Variants in FAM228B observed in about 807,000 individuals in gnomAD.
The protein encoded by FAM228B is protein FAM228B.
FAM228B carries 38 observed loss-of-function variants against 42.6 expected under a neutral mutation model. The observed-to-expected ratio is 0.89, with a 90% confidence interval of 0.69 to 1.17. The LOEUF (loss-of-function observed/expected upper bound fraction) is 1.17, where lower values mean the gene tolerates loss of function less well. Among genes scored for constraint, FAM228B ranks in the 50% most tolerant of loss-of-function variants. The pLI, the probability that FAM228B is intolerant of heterozygous loss-of-function variation, is 0.00. For missense variants in FAM228B, 344 were observed against 367.3 expected (o/e 0.94, Z 0.52); for synonymous variants, 109 against 122.3 (o/e 0.89, Z 0.72).
intron 9 of FAM228B, chr2:24,165,306 C>T (rs1295200456): frequency 2.2e-6 from 1 of 461,552 alleles, no homozygotes. Context: ...GCAACCCTGG[C>T]CCTATCCTTA....
chr2:24,136,328 G>A (rs552080187), intron 3 of FAM228B, among the ~76,000 whole-genome samples: 1 of 152,202 alleles, frequency 6.6e-6, no homozygotes, highest in Admixed American at 6.5e-5. Context: ...CCGGGTTCAA[G>A]CAATTCTGCC....
chr2:24,139,148 A>C (rs769615359), intron 4 of FAM228B, among the ~76,000 whole-genome samples: 4 of 152,180 alleles, frequency 2.6e-5, no homozygotes, highest in Admixed American at 6.5e-5. Flanking sequence ...AACATTCTTT[A>C]TTAAGATCTT....
intron 7 of FAM228B, 100 bp downstream of exon 7, chr2:24,147,186 ATTTTTC>A (rs1227648598): frequency 1.1e-6 from 1 of 875,382 alleles, no homozygotes; most frequent in East Asian, 2.9e-5. Context: ...TAAAATTATC[ATTTTTC>A]TTTTTTTTTG....
chr2:24,104,125 C>T (rs1227271921), intron 3 of FAM228B, among the ~76,000 whole-genome samples: 1 of 152,184 alleles, frequency 6.6e-6, no homozygotes, highest in Non-Finnish European at 1.5e-5. Flanking sequence ...TGAAGCCAGG[C>T]ACCAGCTGTT....
intron 2 of FAM228B, chr2:24,082,855 T>C: frequency 1.3e-6 from 2 of 1,576,240 alleles, no homozygotes; most frequent in Non-Finnish European, 1.7e-6. Flanking sequence ...TGAGCCACAT[T>C]GTGTGGAGTG....
upstream of FAM228B, among the ~76,000 whole-genome samples, chr2:24,119,238 G>A (rs1048518281): frequency 2.6e-5 from 4 of 151,866 alleles, no homozygotes; most frequent in Admixed American, 6.6e-5. Context: ...CATATGACCT[G>A]AAACTTGCCA....
chr2:24,155,506 TATATATATA>T lies in FAM228B; in HGVS notation c.687-5999_687-5991del, dbSNP rs1558393230. On this transcript the variant is annotated intron_variant, in intron 7 of 10. Coordinates refer to ENST00000615575, the MANE Select transcript of FAM228B (RefSeq NM_001145710.2). The stretch of plus-strand genomic sequence containing the variant: ...GCCAGAAGTCATTGAAGACCATGCA[TATATATATA>T]TATATATATATATATATTTTTTTTT... 3.3e-3 allele frequency among the ~76,000 whole-genome samples: 162 copies of T among 49,630 alleles called. 3 individuals are homozygous for T. The highest frequency in any genetic ancestry group is 0.011 in the African/African-American group (156 of 13,910). The allele number at this position is 49,630 out of a possible 152,430, so 32.6% of individuals were successfully genotyped here. A position where few individuals can be genotyped will look rare whatever the true frequency, so the allele number is the denominator to read the frequency against.
intron 5 of FAM228B, among the ~76,000 whole-genome samples, chr2:24,141,133 T>C (rs1388976342): frequency 6.6e-5 from 10 of 151,858 alleles, no homozygotes; most frequent in Admixed American, 6.6e-5. Flanking sequence ...TGGAGTGCAA[T>C]GGCACGATCT....
chr2:24,144,875 T>G (rs1666857215), intron 5 of FAM228B, among the ~76,000 whole-genome samples: 1 of 152,120 alleles, frequency 6.6e-6, no homozygotes, highest in African/African-American at 2.4e-5. Flanking sequence ...TGCAGGGGGC[T>G]AGGGGATTGC....
intron 3 of FAM228B, chr2:24,096,440 G>A (rs1217103182): frequency 6.6e-6 from 1 of 152,154 alleles, no homozygotes. Flanking sequence ...TACCTTAAAT[G>A]ACCTGATGGA....
intron 2 of FAM228B, among the ~76,000 whole-genome samples, chr2:24,125,922 C>T (rs1259186487): frequency 1.3e-5 from 2 of 152,176 alleles, no homozygotes; most frequent in East Asian, 1.9e-4. Flanking sequence ...TGGAATCTTA[C>T]AGTATATATT....
At chr2:24,112,837 T>A (rs1665819920) in intron 3 of FAM228B, among the ~76,000 whole-genome samples, 1 of 152,170 alleles carries the variant, frequency 6.6e-6, no homozygotes. Context: ...TCCAGCCACA[T>A]GGAACCTCTC....
At chr2:24,097,848 TCACA>T (rs1665533015) in intron 3 of FAM228B, among the ~76,000 whole-genome samples, 1 of 152,148 alleles carries the variant, frequency 6.6e-6, no homozygotes, top group Non-Finnish European at 1.5e-5. Flanking sequence ...CAGCATCACA[TCACA>T]CTTATTCTAA....
intron 5 of FAM228B, among the ~76,000 whole-genome samples, chr2:24,143,319 T>C (rs12624163): frequency 0.44 from 65,866 of 148,932 alleles, 15,020 homozygotes; most frequent in East Asian, 0.72. Flanking sequence ...TAGCTGGGAC[T>C]ACAGGCGCCC....
At chr2:24,121,314 A>G (rs199756316), upstream of FAM228B, 53 of 1,613,930 alleles carry the variant, frequency 3.3e-5, no homozygotes, top group South Asian at 1.2e-4. Flanking sequence ...GAGAGGTTAC[A>G]TGGTTAGAGC....
At chr2:24,151,602 A>AT (rs1450877416) in intron 7 of FAM228B, among the ~76,000 whole-genome samples, 2 of 107,108 alleles carry the variant, frequency 1.9e-5, no homozygotes, top group African/African-American at 7.4e-5. Context: ...TCATTATGAG[A>AT]TTTTTTGGTG....
intron 2 of FAM228B, among the ~76,000 whole-genome samples, chr2:24,129,054 G>C (rs182607828): frequency 6.6e-6 from 1 of 151,984 alleles, no homozygotes; most frequent in Non-Finnish European, 1.5e-5. Context: ...TAGTGTTTAC[G>C]ATCAGCTGAA....
At chr2:24,107,691 C>T (rs12473611) in intron 3 of FAM228B, among the ~76,000 whole-genome samples, 19,443 of 151,978 alleles carry the variant, frequency 0.13, 1,349 homozygotes, top group South Asian at 0.18. Flanking sequence ...GGGTAAATAA[C>T]GAAATTAGGT....
rs1045223454 is a variant in FAM228B, at chr2:24,084,919, C to T, written c.-210+3964C>T. ...CCACCCTCCCCCTCTTTCCTTTCCT[C>T]CTTCCCCCTTTAAAACGCAAAGTTA... On this transcript the variant is annotated intron_variant, in intron 2 of 10. Transcript: ENST00000613899. This position sits in a 1 kb window ranked among gnomAD's most constrained non-coding sequence, Gnocchi z 8.4. The T allele has an allele frequency of 6.6e-6, 1 of 152,482 alleles. No homozygotes were observed. Among genetic ancestry groups the T allele is most frequent in the African/African-American group, 2.4e-5 (1 of 41,458 alleles). The allele number at this position is 152,482 out of a possible 1,614,324, so 9.4% of individuals were successfully genotyped here.
Sources: allele counts gnomAD v4.1 joint callset (sites outside exome capture counted in the v4.1 genomes callset), GRCh38; gene constraint gnomAD v4.1.1; non-coding constraint Gnocchi (gnomAD v3.1); transcripts MANE v1.5; gene names NCBI Gene and HGNC (gene_info 2026-07-23, HGNC 2026-07-21).